The following ERC2 variants were observed in gnomAD, a reference collection of about 807,000 sequenced individuals.
ERC2 encodes the protein ELKS/RAB6-interacting/CAST family member 2.
Under a neutral mutation model 114.8 loss-of-function variants are expected in ERC2, and 42 were observed. That is an observed-to-expected ratio of 0.37 (90% confidence interval 0.29 to 0.47). ERC2 has a LOEUF of 0.47. Among genes scored for constraint, ERC2 ranks in the 20% least tolerant of loss-of-function variants. The pLI is 0.99. For missense variants in ERC2, 939 were observed against 1,150.7 expected (o/e 0.82, Z 2.66); for synonymous variants, 454 against 425.5 (o/e 1.07, Z -0.82).
At chr3:56,197,515 G>C (rs2048177893) in intron 3 of ERC2, among the ~76,000 whole-genome samples, 1 of 152,148 alleles carries the variant, frequency 6.6e-6, no homozygotes, top group Non-Finnish European at 1.5e-5. Context: ...AGGAAATATA[G>C]TCCAGTTGTG....
chr3:55,991,303 C>G (rs1010123408), intron 11 of ERC2, among the ~76,000 whole-genome samples: 2 of 152,112 alleles, frequency 1.3e-5, no homozygotes. Context: ...ACTGCTGAAC[C>G]AATAAGAAAT....
intron 17 of ERC2, among the ~76,000 whole-genome samples, chr3:55,553,641 G>A (rs531601267): frequency 1.9e-4 from 29 of 152,138 alleles, no homozygotes; most frequent in African/African-American, 6.5e-4. Flanking sequence ...TTAGCTGGGC[G>A]TAGTGGCGGG....
intron 14 of ERC2, among the ~76,000 whole-genome samples, chr3:55,818,165 T>C (rs1183670097): frequency 1.2e-4 from 18 of 152,178 alleles, no homozygotes; most frequent in Admixed American, 8.5e-4. Context: ...GACCATACCC[T>C]GAATGTTTCA....
chr3:55,510,600 G>A lies in ERC2; in HGVS notation c.*716C>T, dbSNP rs530183554. 6.5e-6 allele frequency: 1 copy of A among 152,734 alleles called. No homozygotes were observed. Among genetic ancestry groups the A allele is most frequent in the South Asian group, 2.1e-4 (1 of 4,826 alleles). 9.5% of individuals were successfully genotyped at this position (152,734 alleles called of 1,614,324 possible). On this transcript the variant is annotated 3_prime_UTR_variant, in exon 18 of 18. Transcript: ENST00000288221. Reference sequence around the variant, plus strand: ...AGGCGATTTCTTGGCAAGCATTAGTGGTTTAAAAAATTGATTTCTTTTCCA... The same window carrying A: ...AGGCGATTTCTTGGCAAGCATTAGTAGTTTAAAAAATTGATTTCTTTTCCA...
At chr3:56,359,623 A>G (rs2058871633) in intron 2 of ERC2, among the ~76,000 whole-genome samples, 2 of 152,372 alleles carry the variant, frequency 1.3e-5, no homozygotes, top group South Asian at 4.1e-4. Flanking sequence ...GCTATAAAGT[A>G]ATACCTGAGA....
intron 7 of ERC2, among the ~76,000 whole-genome samples, chr3:56,076,224 T>C (rs2076969749): frequency 6.6e-6 from 1 of 152,276 alleles, no homozygotes. Flanking sequence ...ATTCACATTG[T>C]TTATGGGACT....
intron 17 of ERC2, among the ~76,000 whole-genome samples, chr3:55,528,611 CTTTG>C (rs949874354): frequency 6.6e-6 from 1 of 152,134 alleles, no homozygotes; most frequent in Non-Finnish European, 1.5e-5. Context: ...GTTCATGTTT[CTTTG>C]TTCAACAGAT....
intron 17 of ERC2, among the ~76,000 whole-genome samples, chr3:55,671,228 C>A (rs1559478460): frequency 6.6e-6 from 1 of 152,180 alleles, no homozygotes; most frequent in Non-Finnish European, 1.5e-5. Flanking sequence ...AATAAAGTGA[C>A]ATGTTATCCC....
At chr3:55,690,633 G>C (rs1319440709) in intron 16 of ERC2, among the ~76,000 whole-genome samples, 1 of 150,784 alleles carries the variant, frequency 6.6e-6, no homozygotes, top group Non-Finnish European at 1.5e-5. Context: ...AGACAAATCA[G>C]TAAAAGAAAA....
intron 17 of ERC2, among the ~76,000 whole-genome samples, chr3:55,529,625 C>T (rs947566950): frequency 6.6e-6 from 1 of 152,162 alleles, no homozygotes; most frequent in African/African-American, 2.4e-5. Flanking sequence ...AAGGAGCTCG[C>T]ATTACCCTTG....
intron 17 of ERC2, among the ~76,000 whole-genome samples, chr3:55,629,308 G>T (rs548568260): frequency 8.7e-4 from 132 of 152,306 alleles, no homozygotes; most frequent in African/African-American, 3.1e-3. Flanking sequence ...ACTCTAGAAG[G>T]CTTAAGCTGC....
At chr3:56,123,541 G>A (rs1325786218) in intron 6 of ERC2, among the ~76,000 whole-genome samples, 5 of 151,732 alleles carry the variant, frequency 3.3e-5, no homozygotes, top group East Asian at 1.9e-4. Context: ...CTATCCTTCC[G>A]AAACATATAA....
At chr3:55,897,015 C>T (rs1393220238) in intron 13 of ERC2, among the ~76,000 whole-genome samples, 2 of 152,206 alleles carry the variant, frequency 1.3e-5, no homozygotes, top group African/African-American at 2.4e-5. Context: ...CATCACCTGG[C>T]TTTCTAAAAA....
At chr3:55,808,223 A>G (rs181678308) in intron 14 of ERC2, among the ~76,000 whole-genome samples, 8 of 152,290 alleles carry the variant, frequency 5.3e-5, no homozygotes, top group South Asian at 2.1e-4. Flanking sequence ...TGCTGGCTCA[A>G]TGGGGCCTAG....
intron 17 of ERC2, among the ~76,000 whole-genome samples, chr3:55,554,552 C>A (rs1316149673): frequency 6.6e-6 from 1 of 152,208 alleles, no homozygotes; most frequent in African/African-American, 2.4e-5. Context: ...ATGGATGATA[C>A]CCTCTCCTGG....
At chr3:55,877,713 A>T (rs1266713478) in intron 14 of ERC2, among the ~76,000 whole-genome samples, 2 of 151,940 alleles carry the variant, frequency 1.3e-5, no homozygotes, top group South Asian at 2.1e-4. Flanking sequence ...GGGTTTTGCC[A>T]TATTGCCCAT....
chr3:55,931,552 T>C (rs540114147), intron 13 of ERC2, among the ~76,000 whole-genome samples: 1 of 151,736 alleles, frequency 6.6e-6, no homozygotes, highest in South Asian at 2.1e-4. Flanking sequence ...AATTGAACAA[T>C]GAGAACACAT....
intron 15 of ERC2, among the ~76,000 whole-genome samples, chr3:55,728,527 C>A (rs2065057727): frequency 6.6e-6 from 1 of 152,100 alleles, no homozygotes; most frequent in Non-Finnish European, 1.5e-5. Context: ...ATACAGAGCA[C>A]ATTGGTTTGA....
At chr3:55,936,441 T>C (rs1445781923) in intron 13 of ERC2, among the ~76,000 whole-genome samples, 1 of 152,134 alleles carries the variant, frequency 6.6e-6, no homozygotes, top group Non-Finnish European at 1.5e-5. Flanking sequence ...AGTATACAAA[T>C]AACTGTACAT....
Sources: gnomAD v4.1 joint callset for allele counts (sites outside exome capture counted in the v4.1 genomes callset) on GRCh38, gnomAD v4.1.1 for gene constraint, MANE v1.5 for transcripts, NCBI Gene and HGNC (gene_info 2026-07-23, HGNC 2026-07-21) for gene names.